The following ATP6V0A1 variants were observed in gnomAD, a reference collection of about 807,000 sequenced individuals.
The protein encoded by ATP6V0A1 is ATPase H+ transporting V0 subunit a1.
ATP6V0A1 carries 43 observed loss-of-function variants against 105.4 expected under a neutral mutation model. That is an observed-to-expected ratio of 0.41 (90% CI 0.32 to 0.53). The LOEUF is 0.53. ATP6V0A1 is among the 20% of genes least tolerant of loss of function. The pLI is 0.30. For missense variants in ATP6V0A1, 676 were observed against 1,051.1 expected, an observed-to-expected ratio of 0.64 and a Z score of 4.93; for synonymous variants, 362 against 372.8, an observed-to-expected ratio of 0.97 and a Z score of 0.33.
chr17:42,520,144 G>T, intron 21 of ATP6V0A1: 1 of 276,032 alleles, frequency 3.6e-6, no homozygotes, highest in Non-Finnish European at 7.2e-6. Flanking sequence ...TCTTATAGGG[G>T]CTCCGGTGCC....
intron 21 of ATP6V0A1, among the ~76,000 whole-genome samples, chr17:42,517,034 T>G (rs570775558): frequency 6.6e-6 from 1 of 152,226 alleles, no homozygotes; most frequent in East Asian, 1.9e-4. Context: ...AATCCCAGCA[T>G]TCTGGGAGGC....
chr17:42,461,070 G>T, intron 2 of ATP6V0A1, 59 bp downstream of exon 2: 4 of 1,339,516 alleles, frequency 3.0e-6, no homozygotes, highest in Non-Finnish European at 4.3e-6. Context: ...ATCGTGGTCA[G>T]ATGCCTTATG....
chr17:42,487,354 T>C lies in ATP6V0A1; in HGVS notation c.1010T>C (p.Leu337Pro). 1 of 1,613,864 alleles carries C rather than the reference T, an allele frequency of 6.2e-7. No individual in the cohort carries two copies. Among genetic ancestry groups the C allele is most frequent in the South Asian group, 1.1e-5 (1 of 91,044 alleles). ...VTDLDSIQFA[L>P]RRGTEHSGST... Reference sequence around the variant, plus strand: ...GACCTTGACTCCATCCAGTTTGCACTCAGAAGGGGCACGGTGAGTCCCCAA... The same window carrying C: ...GACCTTGACTCCATCCAGTTTGCACCCAGAAGGGGCACGGTGAGTCCCCAA... The change falls in exon 10 of 22, where the codon CTC (leucine) becomes CCC (proline). Residue 337 changes from leucine to proline, a missense_variant. This residue lies in a region of ATP6V0A1 where 435 missense variants were observed against 642.2 expected (regional missense o/e 0.68). Coordinates refer to ENST00000343619, the MANE Select transcript of ATP6V0A1 (RefSeq NM_001130021.3).
Position 42,461,140 on chromosome 17 carries a change from G to T in ATP6V0A1, c.117+129G>T, listed in dbSNP as rs190408241. 6.5e-6 allele frequency: 5 copies of T among 771,588 alleles called. No individual in the cohort carries two copies. The East Asian group carries it at 1.3e-4, about 20-fold the overall frequency. 47.8% of individuals were successfully genotyped at this position (771,588 alleles called of 1,614,324 possible). ...TTATAGCACTGACTTCCTATTGGCA[G>T]AATGCACATTTTGAGTTGTCTTTCT... On this transcript the variant is annotated intron_variant, in intron 2 of 21. Coordinates refer to ENST00000343619, the MANE Select transcript of ATP6V0A1 (RefSeq NM_001130021.3).
At chr17:42,511,474 G>A (rs1305941048) in intron 19 of ATP6V0A1, 2 of 152,064 alleles carry the variant, frequency 1.3e-5, no homozygotes, top group African/African-American at 2.4e-5. Flanking sequence ...GGAGGCAGAG[G>A]TTGTGGTGAG....
chr17:42,505,976 C>T lies in ATP6V0A1; in HGVS notation c.2005-1544C>T, dbSNP rs191685026. Reference sequence around the variant, plus strand: ...CTAATTTTTGTATTTTTAGTAGAGACGGGGTTTCGCCATGTTGGCCAGGCT... The same window carrying T: ...CTAATTTTTGTATTTTTAGTAGAGATGGGGTTTCGCCATGTTGGCCAGGCT... On this transcript the variant is annotated intron_variant, in intron 17 of 21. Transcript: ENST00000343619. Among the ~76,000 whole-genome samples, 605 of 152,036 alleles carry T rather than the reference C, an allele frequency of 4.0e-3. 6 individuals are homozygous for T. The highest frequency in any genetic ancestry group is 0.013 in the African/African-American group (527 of 41,456).
intron 21 of ATP6V0A1, chr17:42,520,469 G>A (rs1438396148): frequency 2.2e-6 from 1 of 456,458 alleles, no homozygotes; most frequent in East Asian, 6.9e-5. Context: ...AGATGTTTTT[G>A]TGGTTGGAGA....
chr17:42,471,747 G>A (rs967701892), intron 5 of ATP6V0A1, among the ~76,000 whole-genome samples: 2 of 151,998 alleles, frequency 1.3e-5, no homozygotes, highest in African/African-American at 4.8e-5. Flanking sequence ...AAAAATGTAG[G>A]TGACTTAGTC....
chr17:42,477,695 C>T lies in ATP6V0A1; in HGVS notation c.459C>T (p.Ser153=), dbSNP rs748365656. 1.2e-6 allele frequency: 2 copies of T among 1,613,850 alleles called. No individual in the cohort carries two copies. The highest frequency in any genetic ancestry group is 1.7e-6 in the Non-Finnish European group (2 of 1,179,868). ...CAGACTTGTTGGAAGAGTCCTCATC[C>T]CTCTTGGAGCCAAGTGAGATGGGAA... ...ADPDLLEESS[S]LLEPSEMGRG... is the part of the protein sequence containing the mutation. The change falls in exon 6 of 22, where the codon TCC becomes TCT. Residue 153 remains serine (S), a synonymous_variant. Transcript: ENST00000343619.
intron 21 of ATP6V0A1, chr17:42,518,208 GTC>G (rs1210338444): frequency 3.9e-5 from 6 of 152,318 alleles, no homozygotes; most frequent in African/African-American, 1.4e-4. Flanking sequence ...AAGGAACCTG[GTC>G]TCTCCTTACC....
intron 12 of ATP6V0A1, chr17:42,494,810 C>A: frequency 2.0e-6 from 1 of 504,756 alleles, no homozygotes; most frequent in Non-Finnish European, 3.4e-6. Context: ...AAGAAATGGC[C>A]AAAACCGCAG....
In ATP6V0A1 at chr17:42,462,220, C is replaced by CA. The variant is rs1251035027; in HGVS notation, c.117+1222dup. On this transcript the variant is annotated intron_variant, in intron 2 of 21. Transcript: ENST00000343619. The stretch of plus-strand genomic sequence containing the variant: ...ACAGAGCATGACACTGTCTCAAAAC[C>CA]AAAAAAAAAAAAAGAGGTGGGGGGA... Among the ~76,000 whole-genome samples, 173 of 125,100 alleles carry CA rather than the reference C, an allele frequency of 1.4e-3. 1 individual carries two copies. Among genetic ancestry groups the CA allele is most frequent in the Admixed American group, 2.2e-3 (27 of 12,476 alleles). 82.1% of individuals were successfully genotyped at this position (125,100 alleles called of 152,430 possible).
At chr17:42,462,109 G>A (rs544274595) in intron 2 of ATP6V0A1, among the ~76,000 whole-genome samples, 2 of 151,452 alleles carry the variant, frequency 1.3e-5, no homozygotes, top group Non-Finnish European at 2.9e-5. Flanking sequence ...CAGCTGCTTG[G>A]GAAGCTAAGG....
chr17:42,491,636 A>G (rs1248965738), intron 11 of ATP6V0A1, among the ~76,000 whole-genome samples: 2 of 152,178 alleles, frequency 1.3e-5, no homozygotes, highest in East Asian at 1.9e-4. Context: ...GGCATGTGCC[A>G]TCACGCCCGG....
At chr17:42,508,651 A>T in intron 19 of ATP6V0A1, 62 bp downstream of exon 19, 1 of 1,606,914 alleles carries the variant, frequency 6.2e-7, no homozygotes, top group Non-Finnish European at 8.5e-7. Flanking sequence ...CATCCTTGTG[A>T]TCACTCTGCT....
intron 19 of ATP6V0A1, chr17:42,511,634 A>G (rs1423515447): frequency 1.3e-5 from 2 of 152,648 alleles, no homozygotes; most frequent in East Asian, 3.9e-4. Flanking sequence ...ATGGTGACAG[A>G]CACTGCAGGA....
At chr17:42,513,826 C>G (rs779637203) in intron 19 of ATP6V0A1, 35 bp from the exon 20 acceptor site, 8 of 1,588,586 alleles carry the variant, frequency 5.0e-6, no homozygotes, top group Non-Finnish European at 6.9e-6. Context: ...CCCCTCCTAG[C>G]CTTATATCTT....
intron 21 of ATP6V0A1, among the ~76,000 whole-genome samples, chr17:42,514,788 C>A (rs1277168149): frequency 6.6e-6 from 1 of 152,148 alleles, no homozygotes; most frequent in Non-Finnish European, 1.5e-5. Flanking sequence ...TTCTGGTTTT[C>A]TCTCTGATGT....
Position 42,521,193 on chromosome 17 carries a change from C to T in ATP6V0A1, c.*73C>T. 2 of 1,365,430 alleles carry T rather than the reference C, an allele frequency of 1.5e-6. No individual in the cohort carries two copies. Among genetic ancestry groups the T allele is most frequent in the Non-Finnish European group, 2.0e-6 (2 of 998,996 alleles). The allele number at this position is 1,365,430 out of a possible 1,614,324, so 84.6% of individuals were successfully genotyped here. On this transcript the variant is annotated 3_prime_UTR_variant, in exon 22 of 22. Coordinates refer to ENST00000343619, the MANE Select transcript of ATP6V0A1 (RefSeq NM_001130021.3). The surrounding 1 kb of genome is among the most constrained non-coding windows in gnomAD (Gnocchi z 4.8). ...CACAGTGATCAGCTGTGCCTCTCTG[C>T]CTGTTGGTTGTGATCTGTGGGCACC...
Sources: allele counts gnomAD v4.1 joint callset (sites outside exome capture counted in the v4.1 genomes callset), GRCh38; gene constraint gnomAD v4.1.1; regional missense constraint gnomAD v4.1.1; non-coding constraint Gnocchi (gnomAD v3.1); transcripts MANE v1.5; gene names NCBI Gene and HGNC (gene_info 2026-07-23, HGNC 2026-07-21).